TENM4: variants seen among roughly 807,000 people sequenced by gnomAD.
TENM4 encodes teneurin-4.
Under a neutral mutation model 243.3 loss-of-function variants are expected in TENM4, and 82 were observed. The ratio of observed to expected loss-of-function variants is 0.34; its 90% CI spans 0.28 to 0.40. The LOEUF is 0.40. Ranked by LOEUF, TENM4 falls within the 10% of genes least tolerant of loss-of-function variation. The pLI is 1.00. For missense variants in TENM4, 3,138 were observed against 3,673.3 expected, an observed-to-expected ratio of 0.85 and a Z score of 3.77; for synonymous variants, 1,412 against 1,456.3, an observed-to-expected ratio of 0.97 and a Z score of 0.69.
At chr11:79,405,847 C>CAAAAAA (rs763128589) in intron 1 of TENM4, among the ~76,000 whole-genome samples, 7 of 69,254 alleles carry the variant, frequency 1.0e-4, no homozygotes, top group Non-Finnish European at 1.4e-4. Flanking sequence ...ATTGTGATTT[C>CAAAAAA]AAAAAAAAAA....
rs1857707274 is a variant in TENM4 at position 78,820,685 on chromosome 11, C to A, written c.1682-6290G>T. The stretch of plus-strand genomic sequence containing the variant: ...GAAATGTGGGTTTCTGGGGGGTAAA[C>A]CCACAGACACATAGGCACACAAGAC... On this transcript the variant is annotated intron_variant, in intron 12 of 33. Coordinates refer to ENST00000278550, the MANE Select transcript of TENM4 (RefSeq NM_001098816.3). 1.3e-5 allele frequency among the ~76,000 whole-genome samples: 2 copies of A among 152,100 alleles called. 1 individual carries two copies. Among genetic ancestry groups the A allele is most frequent in the South Asian group, 4.1e-4 (2 of 4,830 alleles).
intron 6 of TENM4, among the ~76,000 whole-genome samples, chr11:78,966,206 A>AG (rs893458421): frequency 9.2e-5 from 14 of 151,866 alleles, no homozygotes; most frequent in Admixed American, 9.2e-4. Context: ...AAAAAAAAAA[A>AG]AAAAAGAAAG....
rs577930402 is a variant in TENM4, at chr11:79,395,711, CTCTTTTAGAAACACTT to C, written c.-321+44782_-321+44797del. ...CTCTCTGGACATTTACTGCCCACTCCTCTTTTAGAAACACTTTCATACTCACTCCAATAACTGGATA... is the reference window on the plus strand; with the variant it reads ...CTCTCTGGACATTTACTGCCCACTCCTCATACTCACTCCAATAACTGGATA... On this transcript the variant is annotated intron_variant, in intron 1 of 33. Coordinates refer to ENST00000278550, the MANE Select transcript of TENM4 (RefSeq NM_001098816.3). Among the ~76,000 whole-genome samples the C allele has an allele frequency of 4.7e-3, 717 of 152,314 alleles. 7 individuals are homozygous for C. Among genetic ancestry groups the C allele is most frequent in the South Asian group, 0.025 (118 of 4,814 alleles).
chr11:78,919,120 CTA>C (rs1206241149), intron 6 of TENM4, among the ~76,000 whole-genome samples: 1 of 152,218 alleles, frequency 6.6e-6, no homozygotes, highest in African/African-American at 2.4e-5. Context: ...TGTGTATTCA[CTA>C]TGTCTACAGT....
intron 9 of TENM4, among the ~76,000 whole-genome samples, chr11:78,865,767 T>G (rs1193642720): frequency 1.3e-5 from 2 of 152,314 alleles, no homozygotes; most frequent in East Asian, 3.9e-4. Context: ...TTTGCTTTTT[T>G]CTTTGGTTAC....
chr11:78,853,149 T>C (rs1214222790), intron 12 of TENM4, among the ~76,000 whole-genome samples: 2 of 152,152 alleles, frequency 1.3e-5, no homozygotes, highest in African/African-American at 2.4e-5. Context: ...CCAGACCACA[T>C]AGAACTGTTG....
At chr11:78,711,938 G>T (rs1423593720) in intron 26 of TENM4, among the ~76,000 whole-genome samples, 1 of 152,132 alleles carries the variant, frequency 6.6e-6, no homozygotes. Context: ...CTGAATAAGC[G>T]AATAACAAAT....
intron 21 of TENM4, 109 bp from the exon 22 acceptor site, chr11:78,729,752 C>G: frequency 3.6e-6 from 5 of 1,387,574 alleles, no homozygotes; most frequent in South Asian, 3.0e-5. Flanking sequence ...GAGGGAAAGG[C>G]AGAAGGAGAG....
At chr11:79,049,945 T>G (rs772777807) in intron 6 of TENM4, among the ~76,000 whole-genome samples, 4 of 152,250 alleles carry the variant, frequency 2.6e-5, no homozygotes, top group Non-Finnish European at 5.9e-5. Context: ...TTTGCTGATT[T>G]GCTTTTTTTT....
intron 4 of TENM4, chr11:79,092,727 A>G (rs1438696333): frequency 6.6e-6 from 1 of 152,188 alleles, no homozygotes; most frequent in Admixed American, 6.5e-5. Context: ...TTTACTGAAC[A>G]CCTATTTTGT....
At chr11:78,667,645 G>C (rs1858188933) in intron 32 of TENM4, among the ~76,000 whole-genome samples, 1 of 152,154 alleles carries the variant, frequency 6.6e-6, no homozygotes, top group Non-Finnish European at 1.5e-5. Context: ...CTTGACAGCA[G>C]TTGCCTGTCT....
chr11:79,167,770 C>T (rs192562293), intron 3 of TENM4, among the ~76,000 whole-genome samples: 338 of 152,204 alleles, frequency 2.2e-3, no homozygotes, highest in African/African-American at 7.2e-3. Flanking sequence ...GGGTGAGGGA[C>T]GAGTGGAGGA....
intron 1 of TENM4, among the ~76,000 whole-genome samples, chr11:79,323,701 C>T (rs1856928719): frequency 6.6e-6 from 1 of 152,188 alleles, no homozygotes; most frequent in Non-Finnish European, 1.5e-5. Context: ...TTTCATCCAA[C>T]TAGGACTTAA....
chr11:79,054,105 C>T (rs1316443501), intron 6 of TENM4, among the ~76,000 whole-genome samples: 1 of 152,168 alleles, frequency 6.6e-6, no homozygotes, highest in African/African-American at 2.4e-5. Flanking sequence ...CTTCCTAAGT[C>T]AGCTCTCCCT....
intron 15 of TENM4, among the ~76,000 whole-genome samples, chr11:78,803,884 C>T (rs1243986900): frequency 2.1e-4 from 32 of 152,202 alleles, no homozygotes. Flanking sequence ...TCCTAAGACC[C>T]TGCACATCTG....
At chr11:79,342,956 G>T (rs902736091) in intron 1 of TENM4, among the ~76,000 whole-genome samples, 1 of 152,238 alleles carries the variant, frequency 6.6e-6, no homozygotes, top group African/African-American at 2.4e-5. Context: ...TTGCACAGTT[G>T]TTTGAGGATA....
At chr11:78,964,060 C>T (rs1857391234) in intron 6 of TENM4, among the ~76,000 whole-genome samples, 2 of 123,558 alleles carry the variant, frequency 1.6e-5, no homozygotes, top group South Asian at 2.6e-4. Flanking sequence ...TTTTTTTTCC[C>T]CTAGATGGAG....
chr11:79,066,982 TG>T (rs1394761573), intron 5 of TENM4, among the ~76,000 whole-genome samples: 1 of 152,218 alleles, frequency 6.6e-6, no homozygotes, highest in Non-Finnish European at 1.5e-5. Context: ...CCACACAGCT[TG>T]GTAAATAACT....
intron 5 of TENM4, among the ~76,000 whole-genome samples, chr11:79,068,991 C>T (rs1031736449): frequency 1.3e-5 from 2 of 152,028 alleles, no homozygotes; most frequent in Admixed American, 6.5e-5. Context: ...GCGGGCAGCT[C>T]TGGGTGAAGG....
Sources: allele counts gnomAD v4.1 joint callset (sites outside exome capture counted in the v4.1 genomes callset), GRCh38; gene constraint gnomAD v4.1.1; transcripts MANE v1.5; gene names NCBI Gene and HGNC (gene_info 2026-07-23, HGNC 2026-07-21).